Variants in CYP39A1 observed in about 807,000 individuals in gnomAD.
CYP39A1 encodes cytochrome P450 family 39 subfamily A member 1.
A neutral mutation model predicts 58.1 loss-of-function variants in CYP39A1; 49 were observed. The observed-to-expected ratio is 0.84, with a 90% CI of 0.67 to 1.07. The LOEUF (loss-of-function observed/expected upper bound fraction) is 1.07, where lower values mean the gene tolerates loss of function less well. Among genes scored for constraint, CYP39A1 ranks in the 50% least tolerant of loss-of-function variants. The pLI is 0.00. For synonymous variants in CYP39A1, 209 were observed against 187.6 expected (o/e 1.11, Z -0.93); for missense variants, 531 against 539.4 (o/e 0.98, Z 0.16).
At chr6:46,594,150 G>A (rs939301670) in intron 8 of CYP39A1, among the ~76,000 whole-genome samples, 20 of 152,090 alleles carry the variant, frequency 1.3e-4, no homozygotes, top group Admixed American at 1.2e-3. Context: ...TGGCCAGAAT[G>A]ATTATTAAAG....
chr6:46,615,968 C>T (rs1774509943), intron 7 of CYP39A1, among the ~76,000 whole-genome samples: 1 of 151,050 alleles, frequency 6.6e-6, no homozygotes, highest in Admixed American at 6.6e-5. Flanking sequence ...CTTCCCCCAT[C>T]CCTGACATTC....
In CYP39A1 at chr6:46,631,077, A is replaced by AAAC; in HGVS notation, c.733-8_733-7insGTT. ...GCGTAGCTTGCAATAATGTCTGTTTAAAAGAAATAAACATTGCCAAACCAT... is the reference window on the plus strand; with the variant it reads ...GCGTAGCTTGCAATAATGTCTGTTTAAACAAAGAAATAAACATTGCCAAACCAT... On this transcript the variant is annotated splice_polypyrimidine_tract_variant and splice_region_variant and intron_variant, in intron 5 of 11. Coordinates refer to ENST00000275016, the MANE Select transcript of CYP39A1 (RefSeq NM_016593.5). 6.3e-7 allele frequency: 1 copy of AAAC among 1,599,344 alleles called. No individual in the cohort carries two copies. The highest frequency in any genetic ancestry group is 8.6e-7 in the Non-Finnish European group (1 of 1,167,620).
chr6:46,644,240 T>C (rs759320365), intron 1 of CYP39A1, among the ~76,000 whole-genome samples: 5 of 152,196 alleles, frequency 3.3e-5, no homozygotes, highest in Non-Finnish European at 5.9e-5. Context: ...GTATACAATT[T>C]TTGGGGACTG....
intron 1 of CYP39A1, among the ~76,000 whole-genome samples, chr6:46,650,487 T>TTC (rs1762616290): frequency 2.7e-5 from 1 of 36,866 alleles, no homozygotes; most frequent in African/African-American, 1.2e-4. Context: ...TCATATTCTT[T>TTC]TTTTTTTTTT....
chr6:46,595,205 C>T (rs79466776), intron 8 of CYP39A1, among the ~76,000 whole-genome samples: 2,224 of 151,748 alleles, frequency 0.015, 57 homozygotes, highest in African/African-American at 0.05. Context: ...TGCACACTAT[C>T]GGTGGGAATG....
At chr6:46,583,307 C>T in intron 10 of CYP39A1, 4 of 985,326 alleles carry the variant, frequency 4.1e-6, no homozygotes, top group Non-Finnish European at 4.8e-6. Flanking sequence ...ATCAGGCATC[C>T]TCTTGCAGGA....
chr6:46,590,598 T>C (rs890912458), intron 8 of CYP39A1, among the ~76,000 whole-genome samples: 1 of 152,166 alleles, frequency 6.6e-6, no homozygotes, highest in African/African-American at 2.4e-5. Flanking sequence ...TTCTTTTGTA[T>C]GATAAAAACT....
At chr6:46,608,637 G>A (rs1267657837) in intron 7 of CYP39A1, among the ~76,000 whole-genome samples, 1 of 150,000 alleles carries the variant, frequency 6.7e-6, no homozygotes, top group Non-Finnish European at 1.5e-5. Flanking sequence ...TTTTTGAGAC[G>A]GAGTCTCACT....
chr6:46,581,258 A>T lies in CYP39A1; in HGVS notation c.1250+5819T>A, dbSNP rs559923980. The stretch of plus-strand genomic sequence containing the variant: ...CCTTGTCTCTACTAAAATTTTTTTT[A>T]AAATTAGCTGGGCACTATGGCATGT... On this transcript the variant is annotated intron_variant, in intron 10 of 11. Coordinates refer to ENST00000275016, the MANE Select transcript of CYP39A1 (RefSeq NM_016593.5). Among the ~76,000 whole-genome samples, 61 of 152,190 alleles carry T rather than the reference A, an allele frequency of 4.0e-4. 1 individual carries two copies. In the South Asian group the frequency reaches 0.012, roughly 29 times the overall value.
intron 9 of CYP39A1, among the ~76,000 whole-genome samples, chr6:46,587,726 G>C (rs561317395): frequency 2.0e-5 from 3 of 152,124 alleles, no homozygotes; most frequent in Non-Finnish European, 4.4e-5. Context: ...AGAAGCAATT[G>C]CCTGAAGAAC....
intron 5 of CYP39A1, among the ~76,000 whole-genome samples, chr6:46,634,708 G>A (rs1775873067): frequency 6.6e-6 from 1 of 151,932 alleles, no homozygotes; most frequent in Non-Finnish European, 1.5e-5. Context: ...TTTTAGTAGA[G>A]ATGAGGTTTC....
intron 10 of CYP39A1, among the ~76,000 whole-genome samples, chr6:46,572,070 T>C (rs115662500): frequency 6.6e-6 from 1 of 152,110 alleles, no homozygotes; most frequent in African/African-American, 2.4e-5. Context: ...TACCCCCACA[T>C]GCATTATATG....
chr6:46,561,275 C>G (rs1343871556), intron 10 of CYP39A1, among the ~76,000 whole-genome samples: 1 of 152,078 alleles, frequency 6.6e-6, no homozygotes, highest in Non-Finnish European at 1.5e-5. Flanking sequence ...AAGCCCTTCT[C>G]TAATATAAGC....
intron 1 of CYP39A1, among the ~76,000 whole-genome samples, chr6:46,648,975 A>C (rs976692541): frequency 6.6e-6 from 1 of 152,206 alleles, no homozygotes; most frequent in African/African-American, 2.4e-5. Context: ...TAAACAAAAG[A>C]CTGATATAAC....
At chr6:46,583,702 T>G in intron 10 of CYP39A1, 1 of 505,664 alleles carries the variant, frequency 2.0e-6, no homozygotes, top group Non-Finnish European at 2.6e-6. Flanking sequence ...CCAAACCTAC[T>G]TTCAGAACCC....
chr6:46,599,499 G>A (rs559899643), intron 7 of CYP39A1, among the ~76,000 whole-genome samples: 6 of 152,200 alleles, frequency 3.9e-5, no homozygotes, highest in South Asian at 2.1e-4. Context: ...GGTTCTTGGC[G>A]GTTTGGTAAT....
At chr6:46,615,549 T>A (rs1182280636) in intron 7 of CYP39A1, among the ~76,000 whole-genome samples, 2 of 152,164 alleles carry the variant, frequency 1.3e-5, no homozygotes, top group Non-Finnish European at 2.9e-5. Flanking sequence ...TGAATGGTAG[T>A]CATATTTTCT....
intron 4 of CYP39A1, among the ~76,000 whole-genome samples, chr6:46,637,462 T>C (rs1172732407): frequency 6.6e-6 from 1 of 152,196 alleles, no homozygotes; most frequent in East Asian, 1.9e-4. Flanking sequence ...CATGTTTGCC[T>C]CAGAGAGAAT....
intron 10 of CYP39A1, among the ~76,000 whole-genome samples, chr6:46,584,883 T>C (rs1484977139): frequency 6.6e-6 from 1 of 152,144 alleles, no homozygotes; most frequent in Non-Finnish European, 1.5e-5. Context: ...TTGGCATCTC[T>C]CGACCAGAAA....
Sources: gnomAD v4.1 joint callset for allele counts (sites outside exome capture counted in the v4.1 genomes callset) on GRCh38, gnomAD v4.1.1 for gene constraint, MANE v1.5 for transcripts, NCBI Gene and HGNC (gene_info 2026-07-23, HGNC 2026-07-21) for gene names.